The following PLAA variants were observed in gnomAD, a reference collection of about 807,000 sequenced individuals.
PLAA encodes the protein phospholipase A2 activating protein, also known as phospholipase A-2-activating protein.
Under a neutral mutation model 84.1 loss-of-function variants are expected in PLAA, and 48 were observed. The observed-to-expected ratio is 0.57, with a 90% CI of 0.45 to 0.73. The LOEUF (loss-of-function observed/expected upper bound fraction) is 0.73. PLAA is among the 30% of genes least tolerant of loss of function. The pLI is 0.00. For synonymous variants in PLAA, 392 were observed against 336.6 expected (o/e 1.16, Z -1.80); for missense variants, 903 against 954.7 (o/e 0.95, Z 0.71).
chr9:26,947,040 C>T lies in PLAA; in HGVS notation c.6G>A (p.Thr2=). Residue 2 remains threonine (T), a synonymous_variant, in exon 1 of 14, where the codon ACG becomes ACA. Transcript: ENST00000397292. M[T]SGATRYRLSC... is the part of the protein sequence containing the mutation. Reference sequence around the variant, plus strand: ...TCAGCCGGTACCTGGTTGCGCCGCTCGTCATGGCCAGTGTCTGTCTGGCGC... The same window carrying T: ...TCAGCCGGTACCTGGTTGCGCCGCTTGTCATGGCCAGTGTCTGTCTGGCGC... 1.3e-6 allele frequency: 2 copies of T among 1,581,328 alleles called. No individual in the cohort carries two copies. Among genetic ancestry groups the T allele is most frequent in the Non-Finnish European group, 1.7e-6 (2 of 1,164,374 alleles).
At chr9:26,922,742 C>T (rs923166110) in intron 7 of PLAA, among the ~76,000 whole-genome samples, 3 of 151,712 alleles carry the variant, frequency 2.0e-5, no homozygotes, top group African/African-American at 7.3e-5. Flanking sequence ...TGTCGGCTCA[C>T]CGCAGCCTCA....
chr9:26,910,469 C>G, intron 11 of PLAA, 30 bp from the exon 12 acceptor site: 1 of 1,509,378 alleles, frequency 6.6e-7, no homozygotes, highest in African/African-American at 1.4e-5. Context: ...TGATGATAAT[C>G]ACAAGGAGTG....
chr9:26,937,840 T>C (rs1825410574), intron 1 of PLAA, among the ~76,000 whole-genome samples: 1 of 148,746 alleles, frequency 6.7e-6, no homozygotes, highest in African/African-American at 2.5e-5. Context: ...CAGTAGAAAT[T>C]ATCAGGTTTG....
intron 2 of PLAA, among the ~76,000 whole-genome samples, chr9:26,931,054 T>A (rs936459863): frequency 1.3e-5 from 2 of 151,698 alleles, no homozygotes; most frequent in Admixed American, 1.3e-4. Flanking sequence ...ACCTAGAACA[T>A]TCTGTAATAA....
intron 4 of PLAA, among the ~76,000 whole-genome samples, chr9:26,926,991 G>A (rs1157640169): frequency 6.6e-6 from 1 of 151,982 alleles, no homozygotes; most frequent in Non-Finnish European, 1.5e-5. Context: ...CCTATGTTCA[G>A]TATCTGTTGA....
At position 26,910,424 on chromosome 9, in the gene PLAA, C is replaced by T. The variant is rs141986086; in HGVS notation, c.1571G>A (p.Arg524Gln). 43 of 1,611,486 alleles carry T rather than the reference C, an allele frequency of 2.7e-5. No homozygotes were observed. The highest frequency in any genetic ancestry group is 3.5e-5 in the Non-Finnish European group (41 of 1,178,224). Residue 524 changes from arginine (R) to glutamine (Q), a missense_variant, in exon 12 of 14, where the codon CGA becomes CAA. Arg to Gln is a conservative substitution (Grantham distance 43, BLOSUM62 1). Coordinates refer to ENST00000397292, the MANE Select transcript of PLAA (RefSeq NM_001031689.3). ...ATTCATTGTTTTAGATGCAGCTGAT[C>T]GGTAGGCACTATTCCCTATTTAAAG... The part of the protein sequence containing the change: ...VDPFTGNSAY[R>Q]SAASKTMNIY...
intron 1 of PLAA, among the ~76,000 whole-genome samples, chr9:26,942,220 C>A (rs1160354146): frequency 1.3e-5 from 2 of 152,008 alleles, no homozygotes; most frequent in Non-Finnish European, 2.9e-5. Flanking sequence ...AATAAGGCAA[C>A]AAGGAAGAAA....
intron 11 of PLAA, among the ~76,000 whole-genome samples, chr9:26,910,918 T>C (rs2131367795): frequency 6.6e-6 from 1 of 152,332 alleles, no homozygotes; most frequent in South Asian, 2.1e-4. Flanking sequence ...GGCATGCTGA[T>C]CTCTCCTTTT....
intron 2 of PLAA, among the ~76,000 whole-genome samples, chr9:26,931,070 G>A (rs1825168285): frequency 6.6e-6 from 1 of 151,508 alleles, no homozygotes; most frequent in Non-Finnish European, 1.5e-5. Context: ...AATAAAGCAA[G>A]GAAGACTACT....
chr9:26,927,660 A>T (rs1012196133), intron 4 of PLAA, among the ~76,000 whole-genome samples: 1 of 152,174 alleles, frequency 6.6e-6, no homozygotes, highest in African/African-American at 2.4e-5. Flanking sequence ...ACATAAACAA[A>T]GCTTGAAATT....
In PLAA at chr9:26,934,475, C is replaced by CTTT. The variant is rs67138338; in HGVS notation, c.343+535_343+537dup. ...GCCTCTTTTATTACTGAACACTTTACTTTTTTTTTTTTTTTTTTTTTTTGA... is the reference window on the plus strand; with the variant it reads ...GCCTCTTTTATTACTGAACACTTTACTTTTTTTTTTTTTTTTTTTTTTTTTTGA... On this transcript the variant is annotated intron_variant, in intron 2 of 13. Transcript: ENST00000397292. Among the ~76,000 whole-genome samples, 107 of 93,324 alleles carry CTTT rather than the reference C, an allele frequency of 1.1e-3. No homozygotes were observed. In the East Asian group the frequency reaches 0.013, roughly 11 times the overall value. The allele number at this position is 93,324 out of a possible 152,430, so 61.2% of individuals were successfully genotyped here. A position where few individuals can be genotyped will look rare whatever the true frequency, so the allele number is the denominator to read the frequency against.
chr9:26,930,216 T>A (rs1409024984), intron 2 of PLAA, among the ~76,000 whole-genome samples: 1 of 151,880 alleles, frequency 6.6e-6, no homozygotes, highest in East Asian at 1.9e-4. Flanking sequence ...GCCATTCTCC[T>A]GCCTCAGCCT....
At chr9:26,946,395 G>C (rs1825714514) in intron 1 of PLAA, among the ~76,000 whole-genome samples, 1 of 151,330 alleles carries the variant, frequency 6.6e-6, no homozygotes, top group Non-Finnish European at 1.5e-5. Context: ...CTCAGGACCA[G>C]CACAGACCAC....
intron 1 of PLAA, among the ~76,000 whole-genome samples, chr9:26,941,816 T>C (rs760558114): frequency 2.5e-4 from 38 of 149,588 alleles, no homozygotes; most frequent in Non-Finnish European, 4.0e-4. Context: ...TAAAAACAGT[T>C]CCAGAAAAAA....
Position 26,910,512 on chromosome 9 carries a change from T to C in PLAA, c.1556-73A>G, listed in dbSNP as rs190762570. The C allele has an allele frequency of 5.3e-6, 6 of 1,140,614 alleles. No homozygotes were observed. In the Admixed American group the frequency reaches 5.5e-5, roughly 10 times the overall value. 70.7% of individuals were successfully genotyped at this position (1,140,614 alleles called of 1,614,324 possible). A position where few individuals can be genotyped will look rare whatever the true frequency, so the allele number is the denominator to read the frequency against. On this transcript the variant is annotated intron_variant, in intron 11 of 13. Coordinates refer to ENST00000397292, the MANE Select transcript of PLAA (RefSeq NM_001031689.3). ...ATGAGATTTTTCTAACTATATGACT[T>C]AGTTTTCACAATTATTGAGATATGC...
chr9:26,926,573 A>G lies in PLAA; in HGVS notation c.566-13T>C. On this transcript the variant is annotated splice_polypyrimidine_tract_variant and intron_variant, in intron 4 of 13. Coordinates refer to ENST00000397292, the MANE Select transcript of PLAA (RefSeq NM_001031689.3). The stretch of plus-strand genomic sequence containing the variant: ...CAGTCTTCATGCCCTGCATTAAAAA[A>G]CAATAATGCAAATCAATAAAACTGA... 6.2e-7 allele frequency: 1 copy of G among 1,601,322 alleles called. No individual in the cohort carries two copies. Among genetic ancestry groups the G allele is most frequent in the Non-Finnish European group, 8.5e-7 (1 of 1,171,322 alleles).
At chr9:26,928,075 T>C (rs200568528) in intron 4 of PLAA, 25 bp downstream of exon 4, 2 of 1,581,348 alleles carry the variant, frequency 1.3e-6, no homozygotes, top group Non-Finnish European at 1.7e-6. Flanking sequence ...AATGATATTA[T>C]AAAACTTGTC....
rs999088245 is a variant in PLAA at position 26,905,847 on chromosome 9, C to T, written c.2052G>A (p.Met684Ile). Residue 684 changes from methionine (M) to isoleucine (I), a missense_variant, in exon 14 of 14, where the codon ATG becomes ATA. Coordinates refer to ENST00000397292, the MANE Select transcript of PLAA (RefSeq NM_001031689.3). The stretch of plus-strand genomic sequence containing the variant: ...CTGATTTCAGTTCTATTGCATGGGA[C>T]ATCAGTGATTCCCTCTGGGACATCA... The part of the protein sequence containing the change: ...KLMMSQRESL[M>I]SHAIELKSGS... 1 of 1,613,994 alleles carries T rather than the reference C, an allele frequency of 6.2e-7. No individual in the cohort carries two copies. Among genetic ancestry groups the T allele is most frequent in the Non-Finnish European group, 8.5e-7 (1 of 1,179,864 alleles).
chr9:26,910,261 T>C (rs775992601), intron 12 of PLAA, 77 bp downstream of exon 12: 13 of 1,009,396 alleles, frequency 1.3e-5, no homozygotes, highest in Non-Finnish European at 1.7e-5. Flanking sequence ...TCCTGACACA[T>C]GTTGGCAAGA....
Sources: gnomAD v4.1 joint callset for allele counts (sites outside exome capture counted in the v4.1 genomes callset) on GRCh38, gnomAD v4.1.1 for gene constraint, MANE v1.5 for transcripts, NCBI Gene and HGNC (gene_info 2026-07-23, HGNC 2026-07-21) for gene names.